Variants in EXOC1 observed in about 807,000 individuals in gnomAD.
The protein encoded by EXOC1 is SEC3-like 1.
In EXOC1, 67 loss-of-function variants were observed where a neutral mutation model predicts 107.7. That is an observed-to-expected ratio of 0.62 (90% CI 0.51 to 0.76). The LOEUF is 0.76. EXOC1 is among the 30% of genes least tolerant of loss of function. EXOC1 has a pLI of 0.00. For missense variants in EXOC1, 833 were observed against 1,055.7 expected (o/e 0.79, Z 2.92); for synonymous variants, 348 against 353.5 (o/e 0.98, Z 0.17).
chr4:55,890,793 A>G (rs574168137), intron 12 of EXOC1, among the ~76,000 whole-genome samples: 3 of 152,302 alleles, frequency 2.0e-5, no homozygotes, highest in Non-Finnish European at 4.4e-5. Context: ...GCAGTGGCAC[A>G]GTCTCAGCTC....
Position 55,897,898 on chromosome 4 carries a change from G to A in EXOC1, c.2137+998G>A, listed in dbSNP as rs541981838. ...CCCAAAGTGCTGGGATTACAGGCAT[G>A]AGCCACCGTGTCCAGCCTTGATTTT... On this transcript the variant is annotated intron_variant, in intron 16 of 18. Coordinates refer to ENST00000381295, the MANE Select transcript of EXOC1 (RefSeq NM_001024924.2). Among the ~76,000 whole-genome samples, 56 of 152,322 alleles carry A rather than the reference G, an allele frequency of 3.7e-4. 1 individual carries two copies. Among genetic ancestry groups the A allele is most frequent in the Non-Finnish European group, 6.6e-4 (45 of 68,026 alleles).
At position 55,892,621 on chromosome 4, in the gene EXOC1, A is replaced by G; in HGVS notation, c.1648-14A>G. ...GGTCTTTTATTATGTAAAGTGCCTG[A>G]ATAATTTTTGCAGGCTGAAGCAGAG... On this transcript the variant is annotated splice_polypyrimidine_tract_variant and intron_variant, in intron 13 of 18. Coordinates refer to ENST00000381295, the MANE Select transcript of EXOC1 (RefSeq NM_001024924.2). 6.2e-7 allele frequency: 1 copy of G among 1,613,450 alleles called. No individual in the cohort carries two copies. Among genetic ancestry groups the G allele is most frequent in the East Asian group, 2.2e-5 (1 of 44,860 alleles).
At chr4:55,869,969 C>G (rs1255063625) in intron 5 of EXOC1, among the ~76,000 whole-genome samples, 4 of 151,762 alleles carry the variant, frequency 2.6e-5, no homozygotes, top group African/African-American at 9.7e-5. Flanking sequence ...TGGCAGTTTC[C>G]TTATTTCAGG....
Position 55,870,859 on chromosome 4 carries a change from G to C in EXOC1, c.785G>C (p.Ser262Thr), listed in dbSNP as rs760612698. 1.2e-6 allele frequency: 2 copies of C among 1,613,762 alleles called. No homozygotes were observed. The highest frequency in any genetic ancestry group is 4.5e-5 in the East Asian group (2 of 44,814). The change falls in exon 6 of 19, where the codon AGT (serine) becomes ACT (threonine). Residue 262 changes from serine (S) to threonine (T), a missense_variant. This residue lies in a region of EXOC1 where 617 missense variants were observed against 701.3 expected (regional missense o/e 0.88). Coordinates refer to ENST00000381295, the MANE Select transcript of EXOC1 (RefSeq NM_001024924.2). Reference sequence around the variant, plus strand: ...GAAAGCAACCACCTAATTCATCTTAGTAACACTAATAATGTAAAACTCCTA... The same window carrying C: ...GAAAGCAACCACCTAATTCATCTTACTAACACTAATAATGTAAAACTCCTA... Reference protein sequence around the residue: ...ISESNHLIHLSNTNNVKLLSE... With the variant: ...ISESNHLIHLTNTNNVKLLSE...
intron 5 of EXOC1, chr4:55,868,819 C>A: frequency 4.1e-6 from 1 of 246,856 alleles, no homozygotes. Flanking sequence ...ATTCGCTCAG[C>A]CTCTGAAACA....
chr4:55,898,919 T>A (rs938711454), intron 16 of EXOC1, among the ~76,000 whole-genome samples: 2 of 152,160 alleles, frequency 1.3e-5, no homozygotes, highest in African/African-American at 4.8e-5. Flanking sequence ...TTAGGGTAAA[T>A]TACTAGAAAT....
At chr4:55,885,287 A>G (rs1173560447) in intron 10 of EXOC1, among the ~76,000 whole-genome samples, 2 of 152,188 alleles carry the variant, frequency 1.3e-5, no homozygotes, top group African/African-American at 4.8e-5. Flanking sequence ...TGAGTAGGTC[A>G]TTAATCCCAG....
chr4:55,871,983 G>A (rs376404951), intron 8 of EXOC1, 25 bp downstream of exon 8: 6 of 1,593,030 alleles, frequency 3.8e-6, no homozygotes, highest in East Asian at 2.2e-5. Flanking sequence ...TTATTAAAAC[G>A]AGCATGTTCC....
At chr4:55,873,998 A>T (rs573273659) in intron 8 of EXOC1, among the ~76,000 whole-genome samples, 1 of 152,260 alleles carries the variant, frequency 6.6e-6, no homozygotes, top group African/African-American at 2.4e-5. Flanking sequence ...CTTTGTAAGG[A>T]GTTAAGACTA....
At position 55,892,706 on chromosome 4, in the gene EXOC1, A is replaced by T. The variant is rs1461503042; in HGVS notation, c.1719A>T (p.Ser573=). The change falls in exon 14 of 19, where the codon TCA becomes TCT. Residue 573 remains serine, a synonymous_variant. Coordinates refer to ENST00000381295, the MANE Select transcript of EXOC1 (RefSeq NM_001024924.2). The part of the protein sequence containing the change: ...QHNCGTPLPV[S]SEKDMIRQMM... Reference sequence around the variant, plus strand: ...ATTGTGGCACACCACTGCCTGTTTCATCTGAGTATGTCTTTGTTACTATCA... The same window carrying T: ...ATTGTGGCACACCACTGCCTGTTTCTTCTGAGTATGTCTTTGTTACTATCA... 2 of 1,614,006 alleles carry T rather than the reference A, an allele frequency of 1.2e-6. No homozygotes were observed. The highest frequency in any genetic ancestry group is 3.3e-5 in the Admixed American group (2 of 60,016).
At chr4:55,883,748 G>A in intron 9 of EXOC1, 75 bp from the exon 10 acceptor site, 1 of 846,254 alleles carries the variant, frequency 1.2e-6, no homozygotes, top group South Asian at 2.0e-5. Context: ...AAGCATGAAG[G>A]ACTTGGGGAA....
At chr4:55,891,725 G>A (rs1466614040) in intron 13 of EXOC1, among the ~76,000 whole-genome samples, 1 of 152,050 alleles carries the variant, frequency 6.6e-6, no homozygotes, top group African/African-American at 2.4e-5. Context: ...TTATTTAAAA[G>A]GCTAGTTTAA....
At chr4:55,874,370 T>G (rs1722707246) in intron 8 of EXOC1, among the ~76,000 whole-genome samples, 1 of 152,150 alleles carries the variant, frequency 6.6e-6, no homozygotes, top group South Asian at 2.1e-4. Flanking sequence ...TAAAGACCTT[T>G]AAAAAGAAAT....
At chr4:55,887,785 C>CAT (rs1724068892) in intron 10 of EXOC1, among the ~76,000 whole-genome samples, 1 of 151,026 alleles carries the variant, frequency 6.6e-6, no homozygotes, top group African/African-American at 2.4e-5. Flanking sequence ...CACTGCTGAA[C>CAT]ATAGCATAGT....
intron 17 of EXOC1, 31 bp downstream of exon 17, chr4:55,899,915 A>C: frequency 6.3e-7 from 1 of 1,577,022 alleles, no homozygotes; most frequent in African/African-American, 1.4e-5. Context: ...TATTTTTCCT[A>C]CTTTTGAACC....
chr4:55,876,836 A>G, intron 8 of EXOC1: 2 of 984,834 alleles, frequency 2.0e-6, no homozygotes, highest in Non-Finnish European at 2.4e-6. Context: ...TTCCATTTTA[A>G]ATTGGGATAT....
chr4:55,884,618 T>C (rs746929197), intron 10 of EXOC1, among the ~76,000 whole-genome samples: 13 of 152,236 alleles, frequency 8.5e-5, no homozygotes, highest in Non-Finnish European at 1.2e-4. Context: ...ATTCTGCTCT[T>C]GCATGTATCC....
intron 6 of EXOC1, 63 bp downstream of exon 6, chr4:55,870,968 A>G (rs1230425100): frequency 3.2e-6 from 5 of 1,551,942 alleles, no homozygotes; most frequent in African/African-American, 1.4e-5. Flanking sequence ...ACCCATTTGT[A>G]AACATTTTTT....
intron 8 of EXOC1, among the ~76,000 whole-genome samples, chr4:55,874,949 A>G (rs555289509): frequency 1.2e-4 from 19 of 152,288 alleles, no homozygotes; most frequent in African/African-American, 4.1e-4. Flanking sequence ...TGAAAGATTT[A>G]TTTTGATAAC....
Sources: gnomAD v4.1 joint callset for allele counts (sites outside exome capture counted in the v4.1 genomes callset) on GRCh38, gnomAD v4.1.1 for gene constraint, gnomAD v4.1.1 regional missense constraint, MANE v1.5 for transcripts, NCBI Gene and HGNC (gene_info 2026-07-23, HGNC 2026-07-21) for gene names.